MAPK10: variants seen among roughly 807,000 people sequenced by gnomAD.
The protein encoded by MAPK10 is mitogen-activated protein kinase 10.
In MAPK10, 25 loss-of-function variants were observed where a neutral mutation model predicts 59.3. The observed-to-expected ratio is 0.42, with a 90% CI of 0.31 to 0.59. The LOEUF (loss-of-function observed/expected upper bound fraction) is 0.59. MAPK10 is among the 20% of genes least tolerant of loss of function. The pLI is 0.15. For missense variants in MAPK10, 351 were observed against 568.9 expected, an observed-to-expected ratio of 0.62 and a Z score of 3.90; for synonymous variants, 190 against 200.5, an observed-to-expected ratio of 0.95 and a Z score of 0.44.
rs2044538827 is a variant in MAPK10, at chr4:86,056,310, T to G, written c.1110+7956A>C. Among the ~76,000 whole-genome samples, 2 of 150,350 alleles carry G rather than the reference T, an allele frequency of 1.3e-5. 1 individual carries two copies. The highest frequency in any genetic ancestry group is 5.0e-5 in the African/African-American group (2 of 40,296). Reference sequence around the variant, plus strand: ...GGTTTATCTCCAAACAGTAGATATCTACTGATGAACTATTTGAACATTAGA... The same window carrying G: ...GGTTTATCTCCAAACAGTAGATATCGACTGATGAACTATTTGAACATTAGA... On this transcript the variant is annotated intron_variant, in intron 11 of 13. Coordinates refer to ENST00000641462, the MANE Select transcript of MAPK10 (RefSeq NM_138982.4).
intron 1 of MAPK10, among the ~76,000 whole-genome samples, chr4:86,589,440 C>G (rs148309311): frequency 0.047 from 7,094 of 151,992 alleles, 220 homozygotes; most frequent in African/African-American, 0.061. Context: ...CCAGCACTTT[C>G]GGAGGCCGAG....
At chr4:86,142,189 T>C (rs1459045767) in intron 4 of MAPK10, among the ~76,000 whole-genome samples, 1 of 152,108 alleles carries the variant, frequency 6.6e-6, no homozygotes, top group African/African-American at 2.4e-5. Context: ...AATTTCAACA[T>C]GAGTTTTGGT....
intron 2 of MAPK10, among the ~76,000 whole-genome samples, chr4:86,346,784 C>T (rs13129883): frequency 0.085 from 12,724 of 150,176 alleles, 690 homozygotes; most frequent in Admixed American, 0.13. Flanking sequence ...AGTTTAAACA[C>T]AGCTGTATAG....
At chr4:86,117,758 C>A (rs1008032439) in intron 4 of MAPK10, 5 of 152,106 alleles carry the variant, frequency 3.3e-5, no homozygotes, top group Admixed American at 6.5e-5. Context: ...TCTTCCAAAG[C>A]AATAATTCAT....
chr4:86,349,309 C>T (rs1729910506), intron 2 of MAPK10, among the ~76,000 whole-genome samples: 1 of 152,136 alleles, frequency 6.6e-6, no homozygotes, highest in Non-Finnish European at 1.5e-5. Flanking sequence ...ATGGAAGTCT[C>T]TTTAGCTATG....
chr4:86,483,184 AG>A (rs1362469195), intron 1 of MAPK10, among the ~76,000 whole-genome samples: 2 of 152,172 alleles, frequency 1.3e-5, no homozygotes, highest in African/African-American at 2.4e-5. Flanking sequence ...CCCCTCTAAA[AG>A]GATTTCCAAC....
At chr4:86,318,931 A>G (rs924395118) in intron 2 of MAPK10, among the ~76,000 whole-genome samples, 6 of 152,148 alleles carry the variant, frequency 3.9e-5, no homozygotes, top group African/African-American at 9.7e-5. Context: ...AGCCTAGATT[A>G]TCTCTAAAGT....
intron 1 of MAPK10, among the ~76,000 whole-genome samples, chr4:86,409,242 C>T (rs917443681): frequency 1.3e-5 from 2 of 152,078 alleles, no homozygotes; most frequent in Non-Finnish European, 2.9e-5. Flanking sequence ...GAGGCCTGTT[C>T]TGTTCCATTA....
In MAPK10 at chr4:86,034,251, T is replaced by A. The variant is rs189618774; in HGVS notation, c.1111-2820A>T. Among the ~76,000 whole-genome samples, 495 of 152,340 alleles carry A rather than the reference T, an allele frequency of 3.2e-3. 3 individuals are homozygous for A. The highest frequency in any genetic ancestry group is 0.02 in the Middle Eastern group (6 of 294). ...AATATTTTTTCAAAAGACTGTAAAC[T>A]TCTTTCATATTATTTTGGAAGATTT... On this transcript the variant is annotated intron_variant, in intron 11 of 13. Coordinates refer to ENST00000641462, the MANE Select transcript of MAPK10 (RefSeq NM_138982.4).
chr4:86,535,664 A>G (rs1006709310), intron 1 of MAPK10, among the ~76,000 whole-genome samples: 4 of 151,970 alleles, frequency 2.6e-5, no homozygotes, highest in African/African-American at 9.7e-5. Flanking sequence ...TTCTTCCTTT[A>G]TATATAGACT....
chr4:86,206,327 A>C (rs1227505246), intron 2 of MAPK10, among the ~76,000 whole-genome samples: 1 of 151,814 alleles, frequency 6.6e-6, no homozygotes, highest in Non-Finnish European at 1.5e-5. Flanking sequence ...TAGTTTACTG[A>C]GAATGATGAT....
At chr4:86,105,194 T>C (rs902244005) in intron 5 of MAPK10, among the ~76,000 whole-genome samples, 9 of 152,176 alleles carry the variant, frequency 5.9e-5, no homozygotes, top group African/African-American at 2.2e-4. Context: ...TTATTAAAGA[T>C]TTAATGGGAT....
intron 1 of MAPK10, among the ~76,000 whole-genome samples, chr4:86,464,022 A>C (rs948485002): frequency 6.6e-6 from 1 of 152,180 alleles, no homozygotes; most frequent in Non-Finnish European, 1.5e-5. Flanking sequence ...TCAAACCGTG[A>C]CTATGATAGG....
chr4:86,242,349 G>C (rs1199609230), intron 2 of MAPK10, among the ~76,000 whole-genome samples: 3 of 152,246 alleles, frequency 2.0e-5, no homozygotes, highest in South Asian at 4.1e-4. Flanking sequence ...CGGGGAGCAG[G>C]ACCCATTTAA....
upstream of MAPK10, among the ~76,000 whole-genome samples, chr4:86,363,559 T>C (rs1381047071): frequency 7.9e-5 from 12 of 152,344 alleles, no homozygotes; most frequent in Middle Eastern, 3.4e-3. Context: ...ATGGAGAATA[T>C]TGTGATATTT....
chr4:86,426,281 T>C (rs531030483), intron 1 of MAPK10, among the ~76,000 whole-genome samples: 4 of 152,222 alleles, frequency 2.6e-5, no homozygotes, highest in Non-Finnish European at 5.9e-5. Flanking sequence ...AGATAATTGG[T>C]CTGCCACTAT....
At chr4:86,375,713 TAAAAAAAAAAAAAAAAAAAA>T (rs56189009) in intron 1 of MAPK10, among the ~76,000 whole-genome samples, 1 of 33,322 alleles carries the variant, frequency 3.0e-5, no homozygotes, top group Non-Finnish European at 4.9e-5. Context: ...AGGTCCACTC[TAAAAAAAAAAAAAAAAAAAA>T]AAAAAAAAAA....
rs181818866 is a variant in MAPK10 at position 86,479,945 on chromosome 4, G to A, written c.-263+113965C>T. 2.0e-3 allele frequency among the ~76,000 whole-genome samples: 304 copies of A among 151,796 alleles called. 3 individuals are homozygous for A. The highest frequency in any genetic ancestry group is 6.6e-3 in the African/African-American group (274 of 41,366). ...TCCCACGCCACCCCTAATCCTGCTC[G>A]AAGCATCCCTGAGAAACATCGCCCA... On this transcript the variant is annotated intron_variant, in intron 1 of 4. Transcript: ENST00000502302.
intron 2 of MAPK10, among the ~76,000 whole-genome samples, chr4:86,334,130 C>T (rs977979781): frequency 3.9e-5 from 6 of 152,276 alleles, no homozygotes; most frequent in African/African-American, 1.2e-4. Context: ...CTTCTTCCTT[C>T]CAAGCCTGTT....
Sources: allele counts gnomAD v4.1 joint callset (sites outside exome capture counted in the v4.1 genomes callset), GRCh38; gene constraint gnomAD v4.1.1; transcripts MANE v1.5; gene names NCBI Gene and HGNC (gene_info 2026-07-23, HGNC 2026-07-21).